Variants in DCX observed in about 807,000 individuals in gnomAD.
DCX encodes doublecortin.
A neutral mutation model predicts 20.9 loss-of-function variants in DCX; 4 were observed. That is an observed-to-expected ratio of 0.19 (90% confidence interval 0.09 to 0.44). The LOEUF is 0.44. DCX is among the 20% of genes least tolerant of loss of function. The pLI is 0.99. For missense variants in DCX, 133 were observed against 296.9 expected, an observed-to-expected ratio of 0.45 and a Z score of 4.06; for synonymous variants, 103 against 111.4, an observed-to-expected ratio of 0.92 and a Z score of 0.47.
chrX:111,339,714 G>A (rs1407824523), intron 3 of DCX, among the ~76,000 whole-genome samples: 1 of 111,691 alleles, frequency 9.0e-6, no homozygotes, highest in Non-Finnish European at 1.9e-5. Context: ...CCATCCAACT[G>A]CCTGTTCAAT....
chrX:111,364,421 C>T (rs943548716), intron 3 of DCX, among the ~76,000 whole-genome samples: 1 of 112,001 alleles, frequency 8.9e-6, no homozygotes, highest in Non-Finnish European at 1.9e-5. Context: ...CTCAACTATC[C>T]GATTGGCAAA....
intron 3 of DCX, among the ~76,000 whole-genome samples, chrX:111,383,849 C>T (rs1244282237): frequency 9.0e-6 from 1 of 111,037 alleles, no homozygotes; most frequent in Admixed American, 9.6e-5. Context: ...AGGCATTGAA[C>T]CTTCTAAAAG....
chrX:111,342,337 T>C (rs1217195850), intron 3 of DCX, among the ~76,000 whole-genome samples: 1 of 42,045 alleles, frequency 2.4e-5, no homozygotes, highest in East Asian at 9.2e-4. Context: ...AAGAGCTAAC[T>C]ATTATATATA....
chrX:111,320,060 C>T (rs190628302), intron 5 of DCX, among the ~76,000 whole-genome samples: 129 of 112,567 alleles, frequency 1.1e-3, no homozygotes, highest in African/African-American at 3.7e-3. Flanking sequence ...AATAATTTAA[C>T]TACCATTCAC....
At chrX:111,357,796 G>GA (rs375435343) in intron 3 of DCX, among the ~76,000 whole-genome samples, 3,575 of 97,351 alleles carry the variant, frequency 0.037, 171 homozygotes, top group African/African-American at 0.13. Context: ...GAGAAAAAAA[G>GA]AAAAAAAAAA....
At chrX:111,386,589 C>T (rs959973608) in intron 3 of DCX, among the ~76,000 whole-genome samples, 1 of 111,051 alleles carries the variant, frequency 9.0e-6, no homozygotes, top group African/African-American at 3.3e-5. Flanking sequence ...GATTCAGAAC[C>T]CTACTTCAGG....
At chrX:111,363,695 C>T (rs368801735) in intron 3 of DCX, among the ~76,000 whole-genome samples, 4 of 111,099 alleles carry the variant, frequency 3.6e-5, no homozygotes, top group East Asian at 2.8e-4. Context: ...CTTTAGCCAC[C>T]GCATTTCACA....
Position 111,316,086 on chromosome X carries a change from TAAAAAAAA to T in DCX, c.947-3358_947-3351del, listed in dbSNP as rs754058802. Among the ~76,000 whole-genome samples, 103 of 50,624 alleles carry T rather than the reference TAAAAAAAA, an allele frequency of 2.0e-3. 2 individuals are homozygous for T. In the South Asian group the frequency reaches 0.047, roughly 23 times the overall value. 44.0% of individuals were successfully genotyped at this position (50,624 alleles called of 115,157 possible). ...CTAAAACTTAGAGTATAATAAAAAATAAAAAAAAAAAAAAAAAAAAAAAATGTTAAGGG... is the reference window on the plus strand; with the variant it reads ...CTAAAACTTAGAGTATAATAAAAAATAAAAAAAAAAAAAAAATGTTAAGGG... On this transcript the variant is annotated intron_variant, in intron 5 of 6. Transcript: ENST00000636035.
At position 111,365,629 on chromosome X, in the gene DCX, A is replaced by G. The variant is rs770987900; in HGVS notation, c.706-32476T>C. On this transcript the variant is annotated intron_variant, in intron 3 of 6. Transcript: ENST00000636035. ...CCACCTCCCCCGCTTCCAGTCCCCCACTACCCTTAACAGCCTCTGGTAATA... is the reference window on the plus strand; with the variant it reads ...CCACCTCCCCCGCTTCCAGTCCCCCGCTACCCTTAACAGCCTCTGGTAATA... Among the ~76,000 whole-genome samples the G allele has an allele frequency of 2.0e-5, 2 of 100,092 alleles. 1 individual carries two copies. The highest frequency in any genetic ancestry group is 9.4e-4 in the South Asian group (2 of 2,137). 86.9% of individuals were successfully genotyped at this position (100,092 alleles called of 115,157 possible). A position where few individuals can be genotyped will look rare whatever the true frequency, so the allele number is the denominator to read the frequency against.
intron 5 of DCX, among the ~76,000 whole-genome samples, chrX:111,313,783 T>TC (rs1369008494): frequency 3.6e-5 from 4 of 110,088 alleles, no homozygotes; most frequent in Non-Finnish European, 3.8e-5. Context: ...CTAAAGTATT[T>TC]TTTTTTTAAT....
chrX:111,309,761 C>T (rs1281608107), intron 6 of DCX, among the ~76,000 whole-genome samples: 1 of 111,549 alleles, frequency 9.0e-6, no homozygotes, highest in Non-Finnish European at 1.9e-5. Flanking sequence ...GTCTCAGGAA[C>T]TTTTCCAGAT....
At chrX:111,378,372 T>C (rs1036605867) in intron 3 of DCX, among the ~76,000 whole-genome samples, 1 of 111,418 alleles carries the variant, frequency 9.0e-6, no homozygotes, top group African/African-American at 3.3e-5. Flanking sequence ...TCCTATCCTC[T>C]AGCAAATCTA....
intron 3 of DCX, among the ~76,000 whole-genome samples, chrX:111,390,612 T>C (rs896207232): frequency 9.0e-6 from 1 of 111,724 alleles, no homozygotes; most frequent in African/African-American, 3.3e-5. Flanking sequence ...ACAGCCTCTA[T>C]CTGGACTCTC....
chrX:111,385,915 TC>T (rs1208413266), intron 3 of DCX, among the ~76,000 whole-genome samples: 3 of 111,146 alleles, frequency 2.7e-5, no homozygotes, highest in African/African-American at 9.8e-5. Context: ...CAGCCTTAAT[TC>T]TTTCTAATTA....
intron 3 of DCX, among the ~76,000 whole-genome samples, chrX:111,379,650 A>G (rs1222993518): frequency 9.0e-6 from 1 of 111,574 alleles, no homozygotes; most frequent in Non-Finnish European, 1.9e-5. Context: ...CCTTTTTGCT[A>G]TTATGAATAA....
intron 3 of DCX, among the ~76,000 whole-genome samples, chrX:111,336,260 C>A (rs897182445): frequency 4.5e-5 from 5 of 112,209 alleles, no homozygotes; most frequent in African/African-American, 6.5e-5. Flanking sequence ...CAACCACAAG[C>A]CTCTCTACCC....
At chrX:111,379,763 G>A (rs1326361629) in intron 3 of DCX, among the ~76,000 whole-genome samples, 1 of 111,780 alleles carries the variant, frequency 8.9e-6, no homozygotes, top group Non-Finnish European at 1.9e-5. Flanking sequence ...AATCATTCAA[G>A]GAACTGACAG....
At chrX:111,399,651 C>T (rs1020522387) in intron 3 of DCX, among the ~76,000 whole-genome samples, 1 of 111,848 alleles carries the variant, frequency 8.9e-6, no homozygotes, top group African/African-American at 3.2e-5. Flanking sequence ...TCTAAACTTT[C>T]TATGTCCTAT....
chrX:111,345,704 C>T (rs184312027), intron 3 of DCX, among the ~76,000 whole-genome samples: 31 of 111,512 alleles, frequency 2.8e-4, no homozygotes, highest in Non-Finnish European at 4.9e-4. Context: ...TACTATCTCA[C>T]GCCAGTCATG....
Sources: allele counts gnomAD v4.1 joint callset (sites outside exome capture counted in the v4.1 genomes callset), GRCh38; gene constraint gnomAD v4.1.1; transcripts MANE v1.5; gene names NCBI Gene and HGNC (gene_info 2026-07-23, HGNC 2026-07-21).